TRPM6: variants seen among roughly 807,000 people sequenced by gnomAD.
TRPM6 encodes the protein transient receptor potential cation channel subfamily M member 6, also known as channel kinase 2.
TRPM6 carries 111 observed loss-of-function variants against 247.6 expected under a neutral mutation model. The ratio of observed to expected loss-of-function variants is 0.45; its 90% CI spans 0.38 to 0.52. The LOEUF (loss-of-function observed/expected upper bound fraction) is 0.52, where lower values mean the gene tolerates loss of function less well. Among genes scored for constraint, TRPM6 ranks in the 20% least tolerant of loss-of-function variants. TRPM6 has a pLI of 0.00. For missense variants in TRPM6, 2,126 were observed against 2,421.5 expected, an observed-to-expected ratio of 0.88 and a Z score of 2.56; for synonymous variants, 892 against 853.8, an observed-to-expected ratio of 1.04 and a Z score of -0.78.
rs146991796 is a variant in TRPM6 at position 74,752,121 on chromosome 9, C to T, written c.4998+156G>A. On this transcript the variant is annotated intron_variant, in intron 29 of 38. Transcript: ENST00000360774. ...TGTGGAGGGGATTGAAAAAATAGAACAGAAATTCAACTGAGCATAGCTTCA... is the reference window on the plus strand; with the variant it reads ...TGTGGAGGGGATTGAAAAAATAGAATAGAAATTCAACTGAGCATAGCTTCA... Among the ~76,000 whole-genome samples, 161 of 152,110 alleles carry T rather than the reference C, an allele frequency of 1.1e-3. 3 individuals are homozygous for T. Among genetic ancestry groups the T allele is most frequent in the African/African-American group, 3.8e-3 (156 of 41,506 alleles).
intron 13 of TRPM6, among the ~76,000 whole-genome samples, chr9:74,809,920 A>G (rs1828664766): frequency 7.2e-6 from 1 of 138,088 alleles, no homozygotes; most frequent in Non-Finnish European, 1.5e-5. Flanking sequence ...CGGAGGTTGC[A>G]GTGAGCCAAG....
intron 2 of TRPM6, among the ~76,000 whole-genome samples, chr9:74,856,079 A>G (rs534930842): frequency 2.6e-5 from 4 of 152,306 alleles, no homozygotes; most frequent in African/African-American, 9.6e-5. Context: ...ATTATCCTTT[A>G]TTAATCTTTC....
chr9:74,861,349 A>G (rs148650995), intron 1 of TRPM6, among the ~76,000 whole-genome samples: 207 of 152,358 alleles, frequency 1.4e-3, no homozygotes, highest in African/African-American at 4.8e-3. Context: ...GAGGAAACAG[A>G]TAAGAAACTG....
intron 7 of TRPM6, among the ~76,000 whole-genome samples, chr9:74,827,445 G>C (rs1829376100): frequency 6.6e-6 from 1 of 152,136 alleles, no homozygotes; most frequent in Non-Finnish European, 1.5e-5. Flanking sequence ...CAGGTGATAA[G>C]TGAGCACCTT....
At chr9:74,882,442 G>A (rs1831391168) in intron 1 of TRPM6, among the ~76,000 whole-genome samples, 1 of 152,102 alleles carries the variant, frequency 6.6e-6, no homozygotes, top group African/African-American at 2.4e-5. Flanking sequence ...ACTGAAGAGT[G>A]GGCAAAGGAC....
At chr9:74,785,479 C>G (rs527805580) in intron 21 of TRPM6, among the ~76,000 whole-genome samples, 1 of 151,990 alleles carries the variant, frequency 6.6e-6, no homozygotes, top group Non-Finnish European at 1.5e-5. Context: ...TTCCATATAC[C>G]CCGTAAATAC....
intron 25 of TRPM6, among the ~76,000 whole-genome samples, chr9:74,765,681 AT>A (rs917583799): frequency 2.0e-5 from 3 of 152,236 alleles, no homozygotes; most frequent in African/African-American, 7.2e-5. Context: ...TGATTATGCC[AT>A]GAAGAGTTTA....
chr9:74,831,422 G>A (rs1375028404), intron 6 of TRPM6, among the ~76,000 whole-genome samples: 8 of 152,148 alleles, frequency 5.3e-5, no homozygotes, highest in East Asian at 3.9e-4. Context: ...CCCAGGAGGC[G>A]GAGGTTGCAG....
chr9:74,820,908 A>G (rs1178311910), intron 8 of TRPM6, among the ~76,000 whole-genome samples: 2 of 152,196 alleles, frequency 1.3e-5, no homozygotes, highest in African/African-American at 4.8e-5. Context: ...TAAAAGGTTT[A>G]ATAACCACAC....
chr9:74,843,166 A>T (rs1286434159), intron 3 of TRPM6, among the ~76,000 whole-genome samples: 1 of 152,130 alleles, frequency 6.6e-6, no homozygotes, highest in Non-Finnish European at 1.5e-5. Flanking sequence ...TTCTTTATTC[A>T]TCCATAAGAA....
At chr9:74,761,474 C>T (rs772112818) in intron 27 of TRPM6, among the ~76,000 whole-genome samples, 1 of 152,162 alleles carries the variant, frequency 6.6e-6, no homozygotes, top group Non-Finnish European at 1.5e-5. Flanking sequence ...ACTTGGGAGG[C>T]TGAGGTGGTA....
At chr9:74,883,893 T>C (rs1416929954) in intron 1 of TRPM6, among the ~76,000 whole-genome samples, 1 of 152,194 alleles carries the variant, frequency 6.6e-6, no homozygotes, top group African/African-American at 2.4e-5. Flanking sequence ...CTCATGCCTG[T>C]AATCCCAGCA....
intron 27 of TRPM6, among the ~76,000 whole-genome samples, chr9:74,760,415 G>C (rs1020496117): frequency 6.6e-6 from 1 of 152,148 alleles, no homozygotes. Flanking sequence ...GGAGCAACAG[G>C]CTACATCATA....
At chr9:74,810,052 A>T (rs1044498059) in intron 13 of TRPM6, among the ~76,000 whole-genome samples, 11 of 151,886 alleles carry the variant, frequency 7.2e-5, no homozygotes, top group Non-Finnish European at 1.5e-4. Flanking sequence ...GTCAACATAA[A>T]CTGAAAGCTC....
rs1329001457 is a variant in TRPM6 at position 74,747,828 on chromosome 9, T to C, written c.5083+61A>G. 1.1e-5 allele frequency: 15 copies of C among 1,365,394 alleles called. 1 individual carries two copies. The highest frequency in any genetic ancestry group is 1.4e-5 in the Non-Finnish European group (14 of 966,796). The allele number at this position is 1,365,394 out of a possible 1,614,324, so 84.6% of individuals were successfully genotyped here. ...AATGACAAAAATATCAGCAGGACAG[T>C]GAACCTCGCATTAAAAAGATGAAAA... On this transcript the variant is annotated intron_variant, in intron 31 of 38. Coordinates refer to ENST00000360774, the MANE Select transcript of TRPM6 (RefSeq NM_017662.5).
chr9:74,822,065 G>C (rs1179748227), intron 7 of TRPM6, among the ~76,000 whole-genome samples: 2 of 152,020 alleles, frequency 1.3e-5, no homozygotes, highest in Non-Finnish European at 2.9e-5. Flanking sequence ...GCTTTTACCA[G>C]GTAAAAAGGC....
intron 27 of TRPM6, among the ~76,000 whole-genome samples, chr9:74,759,650 A>G (rs1826554639): frequency 6.6e-6 from 1 of 152,160 alleles, no homozygotes. Flanking sequence ...TTATAGACCT[A>G]CAAGCAAGAG....
chr9:74,818,336 CTT>C, intron 9 of TRPM6, among the ~76,000 whole-genome samples: 1 of 76,986 alleles, frequency 1.3e-5, no homozygotes, highest in East Asian at 4.2e-4. Context: ...GGGTTTTGCT[CTT>C]GTTGCCCAGG....
At chr9:74,755,323 T>C (rs1826397785) in intron 28 of TRPM6, 30 bp downstream of exon 28, 3 of 1,613,276 alleles carry the variant, frequency 1.9e-6, no homozygotes, top group African/African-American at 1.3e-5. Flanking sequence ...ACCAGGGTTT[T>C]TGGGATCCAA....
Sources: gnomAD v4.1 joint callset for allele counts (sites outside exome capture counted in the v4.1 genomes callset) on GRCh38, gnomAD v4.1.1 for gene constraint, MANE v1.5 for transcripts, NCBI Gene and HGNC (gene_info 2026-07-23, HGNC 2026-07-21) for gene names.